Variants in SPIN3 observed in about 807,000 individuals in gnomAD.
SPIN3 encodes spindlin-3.
For missense variants in SPIN3, 176 were observed against 196.4 expected (o/e 0.90, Z 0.62); for synonymous variants, 74 against 74.3 (o/e 1.00, Z 0.02).
In SPIN3 at chrX:56,992,178, C is replaced by CT. The variant is rs1283389341; in HGVS notation, c.*1992dup. The CT allele has an allele frequency of 5.4e-5, 16 of 295,986 alleles. No individual in the cohort carries two copies. The highest frequency in any genetic ancestry group is 8.8e-5 in the Non-Finnish European group (15 of 170,159). 24.4% of individuals were successfully genotyped at this position (295,986 alleles called of 1,213,427 possible). Reference sequence around the variant, plus strand: ...ATGGGGTTCCTTCAGCAGCTGCAGCCTTGGCTGTCTTCCTCTTGACTGGGT... The same window carrying CT: ...ATGGGGTTCCTTCAGCAGCTGCAGCCTTTGGCTGTCTTCCTCTTGACTGGGT... On this transcript the variant is annotated 3_prime_UTR_variant, in exon 2 of 2. Transcript: ENST00000374919.
chrX:56,979,602 C>G (rs1234152407), intron 3 of SPIN3: 2 of 111,848 alleles, frequency 1.8e-5, no homozygotes, highest in Non-Finnish European at 3.8e-5. Context: ...ATAATTGACA[C>G]ATTTATCTAT....
At chrX:56,978,856 C>T in intron 3 of SPIN3, 1 of 111,669 alleles carries the variant, frequency 9.0e-6, no homozygotes, top group Non-Finnish European at 1.9e-5. Context: ...GGACAGGACT[C>T]AGTGAGGTAA....
rs1924320334 is a variant in SPIN3 at position 56,990,922 on chromosome X, A to C, written c.*3249T>G. Reference sequence around the variant, plus strand: ...TAGTATGCCACCATTTGTGTAAAAAAAAAAAAAAAACCTGATACACACATA... The same window carrying C: ...TAGTATGCCACCATTTGTGTAAAAACAAAAAAAAAACCTGATACACACATA... On this transcript the variant is annotated 3_prime_UTR_variant, in exon 2 of 2. Coordinates refer to ENST00000374919, the MANE Select transcript of SPIN3 (RefSeq NM_001010862.3). 1 of 110,622 alleles carries C rather than the reference A, an allele frequency of 9.0e-6. No individual in the cohort carries two copies. Among genetic ancestry groups the C allele is most frequent in the South Asian group, 3.8e-4 (1 of 2,654 alleles). The allele number at this position is 110,622 out of a possible 1,213,427, so 9.1% of individuals were successfully genotyped here. A position where few individuals can be genotyped will look rare whatever the true frequency, so the allele number is the denominator to read the frequency against.
At position 56,994,378 on chromosome X, in the gene SPIN3, T is replaced by C. The variant is rs760195887; in HGVS notation, c.570A>G (p.Gln190=). 2 of 1,211,701 alleles carry C rather than the reference T, an allele frequency of 1.7e-6. No homozygotes were observed. Among genetic ancestry groups the C allele is most frequent in the Non-Finnish European group, 2.2e-6 (2 of 895,488 alleles). The stretch of plus-strand genomic sequence containing the variant: ...CTGCCAGAGGAGAATCATTGGAATC[T>C]TGAAGGATGCGGAGGTCACCATCTT... ...DYKDGDLRIL[Q]DSNDSPLAER... Residue 190 remains glutamine (Q), a synonymous_variant, in exon 2 of 2, where the codon CAA becomes CAG. Transcript: ENST00000374919.
At position 56,994,755 on chromosome X, in the gene SPIN3, G is replaced by C. The variant is rs764056058; in HGVS notation, c.193C>G (p.Leu65Val). Residue 65 changes from leucine (L) to valine (V), a missense_variant, in exon 2 of 2, where the codon CTA (leucine) becomes GTA (valine). By Grantham distance (32) the Leu-to-Val change is conservative. Transcript: ENST00000374919. Reference protein sequence around the residue: ...QHGWKDGDEPLTQWKGTVLDQ... With the variant: ...QHGWKDGDEPVTQWKGTVLDQ... ...AGAACGGTTCCTTTCCACTGTGTTA[G>C]AGGTTCATCTCCATCTTTCCATCCG... is the stretch of plus-strand genomic sequence containing the variant. The C allele has an allele frequency of 8.3e-7, 1 of 1,211,847 alleles. No homozygotes were observed. The highest frequency in any genetic ancestry group is 1.1e-6 in the Non-Finnish European group (1 of 895,545).
Position 56,991,128 on chromosome X carries a change from A to C in SPIN3, c.*3043T>G, listed in dbSNP as rs1450283472. On this transcript the variant is annotated 3_prime_UTR_variant, in exon 2 of 2. Transcript: ENST00000374919. ...ATACTGTTTGACTTTTACCATAGGC[A>C]TGTGTTATTTTTCTAAAAAACAATT... 8.9e-6 allele frequency: 1 copy of C among 112,010 alleles called. No individual in the cohort carries two copies. Among genetic ancestry groups the C allele is most frequent in the Non-Finnish European group, 1.9e-5 (1 of 53,244 alleles). The allele number at this position is 112,010 out of a possible 1,213,427, so 9.2% of individuals were successfully genotyped here.
chrX:56,992,618 T>C lies in SPIN3; in HGVS notation c.*1553A>G, dbSNP rs751628967. On this transcript the variant is annotated 3_prime_UTR_variant, in exon 2 of 2. Coordinates refer to ENST00000374919, the MANE Select transcript of SPIN3 (RefSeq NM_001010862.3). ...AAGATATCTTGCAGTACAGTCCCAA[T>C]ATGATTGTACTGCCTTGAGTCCCAG... 1.3e-4 allele frequency: 37 copies of C among 294,809 alleles called. No homozygotes were observed. Among genetic ancestry groups the C allele is most frequent in the Non-Finnish European group, 1.8e-4 (30 of 169,586 alleles). The allele number at this position is 294,809 out of a possible 1,213,427, so 24.3% of individuals were successfully genotyped here. A position where few individuals can be genotyped will look rare whatever the true frequency, so the allele number is the denominator to read the frequency against.
chrX:56,983,883 A>G (rs978820745), intron 3 of SPIN3, among the ~76,000 whole-genome samples: 3 of 112,515 alleles, frequency 2.7e-5, no homozygotes, highest in Non-Finnish European at 5.6e-5. Flanking sequence ...GTGCTTGGCT[A>G]TGTATGTATA....
Position 56,994,134 on chromosome X carries a change from T to A in SPIN3, c.*37A>T. The A allele has an allele frequency of 1.8e-6, 2 of 1,121,817 alleles. No individual in the cohort carries two copies. The highest frequency in any genetic ancestry group is 2.4e-6 in the Non-Finnish European group (2 of 834,709). 92.5% of individuals were successfully genotyped at this position (1,121,817 alleles called of 1,213,427 possible). ...TCAAGACTTTCTGTGTCTACAGATT[T>A]AGAGTCTCATATATTTGGCAAATTT... On this transcript the variant is annotated 3_prime_UTR_variant, in exon 2 of 2. Transcript: ENST00000374919.
In SPIN3 at chrX:56,991,816, T is replaced by C. The variant is rs1340286643; in HGVS notation, c.*2355A>G. The C allele has an allele frequency of 1.0e-5, 2 of 199,469 alleles. No homozygotes were observed. The highest frequency in any genetic ancestry group is 5.8e-5 in the African/African-American group (2 of 34,238). The allele number at this position is 199,469 out of a possible 1,213,427, so 16.4% of individuals were successfully genotyped here. A position where few individuals can be genotyped will look rare whatever the true frequency, so the allele number is the denominator to read the frequency against. On this transcript the variant is annotated 3_prime_UTR_variant, in exon 2 of 2. Transcript: ENST00000374919. ...TTAACTCTAAGGCTACATTACACCC[T>C]AGACTGAAAATTTGATCACAATTGC...
At chrX:56,983,156 A>G (rs1924153720) in intron 3 of SPIN3, among the ~76,000 whole-genome samples, 3 of 112,099 alleles carry the variant, frequency 2.7e-5, no homozygotes, top group Non-Finnish European at 3.8e-5. Context: ...TATCCACTTT[A>G]AAAGGCATCA....
Position 56,994,682 on chromosome X carries a change from C to A in SPIN3, c.266G>T (p.Gly89Val). The change falls in exon 2 of 2, where the codon GGA (glycine) becomes GTA (valine). Residue 89 changes from glycine to valine, a missense_variant. Gly to Val is a moderately radical substitution (Grantham distance 109, BLOSUM62 -3). Coordinates refer to ENST00000374919, the MANE Select transcript of SPIN3 (RefSeq NM_001010862.3). The part of the protein sequence containing the change: ...NPSLYLIKYD[G>V]FDCVYGLELH... ...TTCCAATCCATAAACACAGTCAAAT[C>A]CATCATATTTGATAAGATACAGAGA... 8.3e-7 allele frequency: 1 copy of A among 1,211,845 alleles called. No homozygotes were observed. The highest frequency in any genetic ancestry group is 1.7e-5 in the African/African-American group (1 of 57,820).
downstream of SPIN3, among the ~76,000 whole-genome samples, chrX:56,986,934 C>T (rs1232456584): frequency 2.7e-5 from 3 of 111,798 alleles, no homozygotes; most frequent in African/African-American, 9.8e-5. Context: ...GAGTTCAAGA[C>T]CAGCCTGACC....
chrX:56,990,242 C>G (rs902780165), downstream of SPIN3, among the ~76,000 whole-genome samples: 1 of 111,659 alleles, frequency 9.0e-6, no homozygotes, highest in African/African-American at 3.3e-5. Flanking sequence ...GAAAAAACAG[C>G]CTGAGAATGA....
At chrX:56,987,453 G>A (rs1209535274), downstream of SPIN3, among the ~76,000 whole-genome samples, 10 of 110,359 alleles carry the variant, frequency 9.1e-5, no homozygotes, top group Admixed American at 7.7e-4. Flanking sequence ...CCTTATTTCC[G>A]TTCATCTCTA....
chrX:56,981,179 G>A (rs1332733777), intron 3 of SPIN3, among the ~76,000 whole-genome samples: 1 of 108,983 alleles, frequency 9.2e-6, no homozygotes, highest in Non-Finnish European at 1.9e-5. Context: ...TGGCCAACAC[G>A]GTGAAACCCC....
At chrX:56,984,872 G>T (rs1480812957) in intron 2 of SPIN3, among the ~76,000 whole-genome samples, 2 of 111,336 alleles carry the variant, frequency 1.8e-5, no homozygotes, top group Admixed American at 9.5e-5. Context: ...CCCCACTTAG[G>T]TGTCCTAAAA....
chrX:56,982,859 G>A (rs1392394027), intron 3 of SPIN3: 1 of 112,230 alleles, frequency 8.9e-6, no homozygotes, highest in African/African-American at 3.2e-5. Context: ...TACAGTGAGA[G>A]GAAGCACATT....
chrX:56,991,856 A>G lies in SPIN3; in HGVS notation c.*2315T>C. 2 of 244,778 alleles carry G rather than the reference A, an allele frequency of 8.2e-6. No homozygotes were observed. The highest frequency in any genetic ancestry group is 1.5e-5 in the Non-Finnish European group (2 of 137,048). 20.2% of individuals were successfully genotyped at this position (244,778 alleles called of 1,213,427 possible). On this transcript the variant is annotated 3_prime_UTR_variant, in exon 2 of 2. Transcript: ENST00000374919. ...ATCACAATTGCAGCCCTAATTTACA[A>G]TTATGTCCAGCCATATTTCCTGACA...
Sources: allele counts gnomAD v4.1 joint callset (sites outside exome capture counted in the v4.1 genomes callset), GRCh38; gene constraint gnomAD v4.1.1; transcripts MANE v1.5; gene names NCBI Gene and HGNC (gene_info 2026-07-23, HGNC 2026-07-21).